The following ANK1 variants were observed in gnomAD, a reference collection of about 807,000 sequenced individuals.
The protein encoded by ANK1 is ankyrin-1.
In ANK1, 51 loss-of-function variants were observed where a neutral mutation model predicts 210.4. The observed-to-expected ratio is 0.24, with a 90% CI of 0.19 to 0.31. The LOEUF is 0.31. ANK1 is among the 10% of genes least tolerant of loss of function. The pLI, the probability that ANK1 is intolerant of heterozygous loss-of-function variation, is 1.00. For synonymous variants in ANK1, 967 were observed against 1,025.9 expected (o/e 0.94, Z 1.10); for missense variants, 2,051 against 2,504.4 (o/e 0.82, Z 3.86).
intron 1 of ANK1, among the ~76,000 whole-genome samples, chr8:41,842,631 G>A (rs989445848): frequency 5.9e-5 from 9 of 152,162 alleles, no homozygotes; most frequent in African/African-American, 1.7e-4. Flanking sequence ...CCTGCCTTGC[G>A]TCATTGTGGT....
At chr8:41,665,291 C>T (rs1025373522) in intron 39 of ANK1, 52 of 1,460,598 alleles carry the variant, frequency 3.6e-5, no homozygotes, top group East Asian at 5.8e-5. Context: ...GGTGACATCA[C>T]GCTCCTATAA....
chr8:41,685,101 G>A (rs903355247), intron 36 of ANK1, among the ~76,000 whole-genome samples: 8 of 152,068 alleles, frequency 5.3e-5, no homozygotes, highest in African/African-American at 1.9e-4. Context: ...GCTAATTTTT[G>A]TACTTTTAGT....
intron 1 of ANK1, among the ~76,000 whole-genome samples, chr8:41,764,050 G>A (rs972226855): frequency 1.3e-5 from 2 of 151,762 alleles, no homozygotes; most frequent in African/African-American, 4.8e-5. Flanking sequence ...ATTTACTGGG[G>A]TCCTATTTCA....
At position 41,689,829 on chromosome 8, in the gene ANK1, G is replaced by T. The variant is rs147974876; in HGVS notation, c.4104+398C>A. Among the ~76,000 whole-genome samples the T allele has an allele frequency of 2.0e-4, 30 of 152,278 alleles. No homozygotes were observed. In the East Asian group the frequency reaches 5.4e-3, roughly 27 times the overall value. On this transcript the variant is annotated intron_variant, in intron 33 of 42. Transcript: ENST00000289734. Reference sequence around the variant, plus strand: ...AGCGGCCTGAGAGAAGCCGTGCAGGGGCTGGGAGACCTTAGCAGCTCTCCT... The same window carrying T: ...AGCGGCCTGAGAGAAGCCGTGCAGGTGCTGGGAGACCTTAGCAGCTCTCCT...
intron 42 of ANK1, among the ~76,000 whole-genome samples, chr8:41,656,520 C>T (rs1249163640): frequency 1.3e-5 from 2 of 152,228 alleles, no homozygotes; most frequent in East Asian, 3.8e-4. Context: ...GCCTGGGATT[C>T]GCAGTGAGAA....
At chr8:41,744,540 T>TC (rs1357188210) in intron 2 of ANK1, among the ~76,000 whole-genome samples, 42 of 145,922 alleles carry the variant, frequency 2.9e-4, no homozygotes, top group African/African-American at 9.3e-4. Context: ...TCTTTTCTTT[T>TC]TTTTTTTTTT....
At chr8:41,697,378 C>T (rs1821356733) in intron 24 of ANK1, among the ~76,000 whole-genome samples, 1 of 152,166 alleles carries the variant, frequency 6.6e-6, no homozygotes, top group South Asian at 2.1e-4. Flanking sequence ...CCTTGCTGCT[C>T]TCTAGATCTT....
At chr8:41,713,065 G>A (rs934784048) in intron 16 of ANK1, among the ~76,000 whole-genome samples, 13 of 152,326 alleles carry the variant, frequency 8.5e-5, no homozygotes, top group African/African-American at 2.2e-4. Flanking sequence ...AGAACGCGCC[G>A]AAGCCCTGCA....
rs369970751 is a variant in ANK1 at position 41,819,332 on chromosome 8, C to A, written c.127-61195G>T. Among the ~76,000 whole-genome samples the A allele has an allele frequency of 7.2e-5, 11 of 152,340 alleles. 1 individual carries two copies. Among genetic ancestry groups the A allele is most frequent in the African/African-American group, 2.6e-4 (11 of 41,580 alleles). On this transcript the variant is annotated intron_variant, in intron 1 of 42. Coordinates refer to the ANK1 transcript ENST00000265709. Reference sequence around the variant, plus strand: ...TAGGATTACAGGCTGAGCCACCCCACTCAGCTCCAATAAGTCTTTTCAAAG... The same window carrying A: ...TAGGATTACAGGCTGAGCCACCCCAATCAGCTCCAATAAGTCTTTTCAAAG...
At chr8:41,796,938 G>A (rs900077719) in intron 1 of ANK1, among the ~76,000 whole-genome samples, 5 of 151,878 alleles carry the variant, frequency 3.3e-5, no homozygotes, top group African/African-American at 4.8e-5. Context: ...CCCAGGCCAC[G>A]CCGCCGCTCT....
chr8:41,753,304 G>A (rs1036480812), intron 2 of ANK1, among the ~76,000 whole-genome samples: 2 of 152,016 alleles, frequency 1.3e-5, no homozygotes, highest in African/African-American at 2.4e-5. Flanking sequence ...GACCTCAGGT[G>A]ATCTGCCCAC....
chr8:41,719,303 C>T (rs1828601941), intron 10 of ANK1, among the ~76,000 whole-genome samples: 1 of 152,198 alleles, frequency 6.6e-6, no homozygotes, highest in African/African-American at 2.4e-5. Flanking sequence ...GAAAGCCACG[C>T]AGCCTCTAAG....
chr8:41,823,537 TC>T (rs1408762869), intron 1 of ANK1, among the ~76,000 whole-genome samples: 2 of 152,020 alleles, frequency 1.3e-5, no homozygotes, highest in African/African-American at 4.8e-5. Context: ...GGCAGGAGGA[TC>T]CCTGAAGTCC....
intron 42 of ANK1, among the ~76,000 whole-genome samples, chr8:41,660,125 G>C (rs1050736849): frequency 1.3e-5 from 2 of 152,156 alleles, no homozygotes; most frequent in Non-Finnish European, 2.9e-5. Context: ...CAGCAGCCTA[G>C]TGGGACCCCT....
chr8:41,661,143 T>C, intron 42 of ANK1: 1 of 443,252 alleles, frequency 2.3e-6, no homozygotes, highest in East Asian at 4.9e-5. Flanking sequence ...CACAAAATGC[T>C]GGGATTACAG....
rs377332629 is a variant in ANK1, at chr8:41,719,856, G to A, written c.912C>T (p.Asn304=). ...HGAPIQAKTK[N]GLSPIHMAAQ... ...CCGCCATGTGAATTGGGGACAGGCC[G>A]TTCTGGGTAAAGAGGAAAACACAAG... Residue 304 remains asparagine (N), a splice_region_variant and synonymous_variant, in exon 10 of 43, where the codon AAC becomes AAT. Transcript: ENST00000289734. The A allele has an allele frequency of 3.7e-5, 60 of 1,614,084 alleles. No homozygotes were observed. Among genetic ancestry groups the A allele is most frequent in the Admixed American group, 5.0e-5 (3 of 60,010 alleles).
intron 2 of ANK1, among the ~76,000 whole-genome samples, chr8:41,752,816 G>A (rs535170329): frequency 0.019 from 2,657 of 137,674 alleles, 34 homozygotes; most frequent in Non-Finnish European, 0.032. Context: ...CCACTGCACC[G>A]CTGGGCCCTC....
At chr8:41,852,679 A>T (rs1157836785) in intron 1 of ANK1, among the ~76,000 whole-genome samples, 2 of 152,234 alleles carry the variant, frequency 1.3e-5, no homozygotes, top group Non-Finnish European at 2.9e-5. Context: ...TTGCCTGGTC[A>T]CAGAGCCAAG....
chr8:41,716,525 T>C (rs1827724876), intron 13 of ANK1, among the ~76,000 whole-genome samples: 1 of 152,130 alleles, frequency 6.6e-6, no homozygotes, highest in East Asian at 1.9e-4. Context: ...AGTGAGCAAC[T>C]GGCAAACTCC....
Sources: gnomAD v4.1 joint callset for allele counts (sites outside exome capture counted in the v4.1 genomes callset) on GRCh38, gnomAD v4.1.1 for gene constraint, MANE v1.5 for transcripts, NCBI Gene and HGNC (gene_info 2026-07-23, HGNC 2026-07-21) for gene names.